EPS15: variants seen among roughly 807,000 people sequenced by gnomAD.
EPS15 encodes the protein epidermal growth factor receptor substrate 15.
Under a neutral mutation model 113.8 loss-of-function variants are expected in EPS15, and 72 were observed. The observed-to-expected ratio is 0.63, with a 90% CI of 0.52 to 0.77. The LOEUF (loss-of-function observed/expected upper bound fraction) is 0.77. Ranked by LOEUF, EPS15 falls within the 30% of genes least tolerant of loss-of-function variation. EPS15 has a pLI of 0.00. For synonymous variants in EPS15, 344 were observed against 363.4 expected, an observed-to-expected ratio of 0.95 and a Z score of 0.61; for missense variants, 1,048 against 1,045.8, an observed-to-expected ratio of 1.00 and a Z score of -0.03.
At chr1:51,492,625 A>G (rs1644254573) in intron 1 of EPS15, among the ~76,000 whole-genome samples, 1 of 152,172 alleles carries the variant, frequency 6.6e-6, no homozygotes, top group Non-Finnish European at 1.5e-5. Flanking sequence ...ATAGAGACAG[A>G]ATGAAAGCAA....
intron 21 of EPS15, among the ~76,000 whole-genome samples, chr1:51,369,733 C>T (rs1003278036): frequency 2.6e-5 from 4 of 151,992 alleles, no homozygotes; most frequent in Non-Finnish European, 4.4e-5. Context: ...CACTTTTTAT[C>T]CCTTACCCTG....
intron 21 of EPS15, among the ~76,000 whole-genome samples, chr1:51,387,943 T>C (rs919690588): frequency 4.6e-5 from 7 of 152,132 alleles, no homozygotes; most frequent in Non-Finnish European, 7.3e-5. Flanking sequence ...TATCCAGGAA[T>C]TGAACTCAGC....
intron 13 of EPS15, among the ~76,000 whole-genome samples, chr1:51,415,130 C>T (rs1650085658): frequency 1.3e-5 from 2 of 152,086 alleles, no homozygotes; most frequent in African/African-American, 2.4e-5. Context: ...AGAATCAATG[C>T]TGGTTTCCTT....
intron 1 of EPS15, chr1:51,490,266 T>G: frequency 2.2e-6 from 1 of 448,558 alleles, no homozygotes; most frequent in Non-Finnish European, 4.5e-6. Context: ...TTATAAATGG[T>G]TACAGTACAA....
chr1:51,454,663 T>C (rs1028819875), intron 8 of EPS15, among the ~76,000 whole-genome samples: 2 of 152,128 alleles, frequency 1.3e-5, no homozygotes, highest in East Asian at 1.9e-4. Context: ...AAGGCAAGAC[T>C]GACAAACTCA....
intron 21 of EPS15, among the ~76,000 whole-genome samples, chr1:51,369,958 T>C (rs1286492242): frequency 6.6e-6 from 1 of 152,214 alleles, no homozygotes; most frequent in South Asian, 2.1e-4. Context: ...CAAACAAATA[T>C]AACATTTCTT....
chr1:51,474,292 T>C (rs1374703325), intron 2 of EPS15, among the ~76,000 whole-genome samples: 1 of 152,238 alleles, frequency 6.6e-6, no homozygotes, highest in Admixed American at 6.5e-5. Flanking sequence ...AAAATGACTA[T>C]ACTTTTGATA....
At chr1:51,374,433 G>A (rs1245161870) in intron 21 of EPS15, among the ~76,000 whole-genome samples, 10 of 151,966 alleles carry the variant, frequency 6.6e-5, no homozygotes, top group Admixed American at 4.6e-4. Flanking sequence ...CCTGGCCAAC[G>A]TCTTTACTAA....
intron 13 of EPS15, among the ~76,000 whole-genome samples, chr1:51,419,944 C>T (rs137883692): frequency 6.6e-6 from 1 of 152,028 alleles, no homozygotes; most frequent in African/African-American, 2.4e-5. Flanking sequence ...CATTACCATG[C>T]GTAACATAGA....
chr1:51,421,981 A>C (rs1377495198), intron 12 of EPS15, 123 bp from the exon 13 acceptor site: 1 of 1,414,890 alleles, frequency 7.1e-7, no homozygotes, highest in African/African-American at 1.4e-5. Flanking sequence ...TTTTTAAATG[A>C]AGGGCAGATT....
At chr1:51,423,708 G>A in intron 12 of EPS15, 1 of 985,420 alleles carries the variant, frequency 1.0e-6, no homozygotes, top group Non-Finnish European at 1.2e-6. Flanking sequence ...TGTCTGCTCA[G>A]ATCAAGTGTG....
intron 1 of EPS15, among the ~76,000 whole-genome samples, chr1:51,503,319 T>G (rs1391625168): frequency 1.3e-5 from 2 of 152,082 alleles, no homozygotes; most frequent in Non-Finnish European, 2.9e-5. Context: ...GAATCCGGAA[T>G]AGCCGAAACA....
rs778370109 is a variant in EPS15, at chr1:51,408,241, C to T, written c.1367G>A (p.Arg456His). Residue 456 changes from arginine (R) to histidine (H), a missense_variant, in exon 15 of 25, where the codon CGT becomes CAT. By Grantham distance (29) the Arg-to-His change is conservative. Coordinates refer to ENST00000371733, the MANE Select transcript of EPS15 (RefSeq NM_001981.3). ...CAATTCTGCTGTTTCTTGCTGTAGA[C>T]GGCTCAGCTCTTCTCTAGCTTTTGC... ...ELAKAREELSRLQQETAELEE... is the reference protein window; with the variant it reads ...ELAKAREELSHLQQETAELEE... 6.1e-5 allele frequency: 99 copies of T among 1,613,744 alleles called. No individual in the cohort carries two copies. The highest frequency in any genetic ancestry group is 8.0e-5 in the Non-Finnish European group (94 of 1,179,760).
At chr1:51,381,761 CA>C (rs1326354072) in intron 21 of EPS15, among the ~76,000 whole-genome samples, 1 of 151,776 alleles carries the variant, frequency 6.6e-6, no homozygotes, top group Non-Finnish European at 1.5e-5. Flanking sequence ...TATCTTGAAA[CA>C]AATGAAAATG....
intron 3 of EPS15, among the ~76,000 whole-genome samples, chr1:51,472,327 A>T (rs1157804141): frequency 2.0e-5 from 3 of 152,186 alleles, no homozygotes; most frequent in African/African-American, 4.8e-5. Flanking sequence ...TTGGATCCTT[A>T]AGATATTCTT....
intron 21 of EPS15, among the ~76,000 whole-genome samples, chr1:51,380,044 ACT>A (rs1386754680): frequency 7.0e-6 from 1 of 142,162 alleles, no homozygotes; most frequent in African/African-American, 2.7e-5. Context: ...CTGGAGTGAG[ACT>A]CTGCTTCCAG....
chr1:51,472,697 C>A (rs1384827447), intron 3 of EPS15, among the ~76,000 whole-genome samples, 162 bp downstream of exon 3: 38 of 152,190 alleles, frequency 2.5e-4, no homozygotes, highest in Non-Finnish European at 1.5e-4. Flanking sequence ...GAGGGTAAAT[C>A]ACTACGCTAC....
intron 12 of EPS15, among the ~76,000 whole-genome samples, chr1:51,432,202 G>A (rs1243557877): frequency 2.0e-4 from 30 of 152,108 alleles, no homozygotes; most frequent in Non-Finnish European, 4.4e-5. Flanking sequence ...AAAGAGGTAA[G>A]TGTCCCTTAG....
chr1:51,468,378 G>C, intron 5 of EPS15, 95 bp downstream of exon 5: 3 of 923,538 alleles, frequency 3.2e-6, no homozygotes, highest in Non-Finnish European at 5.2e-6. Flanking sequence ...GGGCCAAAGG[G>C]AGAATTCCTT....
Sources: allele counts gnomAD v4.1 joint callset (sites outside exome capture counted in the v4.1 genomes callset), GRCh38; gene constraint gnomAD v4.1.1; transcripts MANE v1.5; gene names NCBI Gene and HGNC (gene_info 2026-07-23, HGNC 2026-07-21).